Variants in RNF135 observed in about 807,000 individuals in gnomAD.
RNF135 encodes ring finger protein 135.
Under a neutral mutation model 41.9 loss-of-function variants are expected in RNF135, and 46 were observed. That is an observed-to-expected ratio of 1.10 (90% CI 0.87 to 1.40). The LOEUF is 1.40. RNF135 is among the 40% of genes most tolerant of loss of function. The pLI is 0.00. For missense variants in RNF135, 539 were observed against 549.8 expected (o/e 0.98, Z 0.20); for synonymous variants, 238 against 223.8 (o/e 1.06, Z -0.57).
At chr17:30,963,088 C>G in the RNF135 span, among the ~76,000 whole-genome samples, 1 of 145,974 alleles carries the variant, frequency 6.9e-6, no homozygotes, top group African/African-American at 2.7e-5. Context: ...CATTTGATTC[C>G]CTAGCTTTTT....
the RNF135 span, among the ~76,000 whole-genome samples, chr17:30,965,962 A>G: frequency 1.3e-5 from 2 of 152,244 alleles, no homozygotes; most frequent in East Asian, 3.8e-4. Context: ...TGTTATCTAT[A>G]GGAGCAATTG....
intron 3 of RNF135, among the ~76,000 whole-genome samples, chr17:30,995,304 CG>C (rs1908274051): frequency 6.6e-6 from 1 of 151,930 alleles, no homozygotes; most frequent in South Asian, 2.1e-4. Context: ...AGGAGAATGG[CG>C]TGAACCCGGG....
intron 3 of RNF135, chr17:30,993,900 C>T: frequency 1.6e-6 from 1 of 633,936 alleles, no homozygotes; most frequent in Non-Finnish European, 2.8e-6. Context: ...ATCTCTCAGG[C>T]TCAGGTGATC....
At chr17:30,990,068 A>G (rs2142721350) in intron 3 of RNF135, among the ~76,000 whole-genome samples, 1 of 152,230 alleles carries the variant, frequency 6.6e-6, no homozygotes, top group East Asian at 1.9e-4. Context: ...TAGGAAAACA[A>G]TTAGAGAGCA....
At chr17:30,986,477 G>A (rs949404529) in intron 2 of RNF135, among the ~76,000 whole-genome samples, 3 of 152,208 alleles carry the variant, frequency 2.0e-5, no homozygotes, top group African/African-American at 7.2e-5. Context: ...TTACAGGCGT[G>A]CGCCACATTG....
At chr17:30,987,581 A>T (rs1271378387) in intron 2 of RNF135, among the ~76,000 whole-genome samples, 2 of 152,198 alleles carry the variant, frequency 1.3e-5, no homozygotes, top group African/African-American at 4.8e-5. Context: ...TATCTGTAGT[A>T]TTTATTTTAT....
chr17:30,989,680 A>G (rs1907849015), intron 3 of RNF135, among the ~76,000 whole-genome samples: 1 of 152,090 alleles, frequency 6.6e-6, no homozygotes, highest in East Asian at 1.9e-4. Context: ...TTATATTTTC[A>G]TATTTAAACA....
At chr17:30,980,610 G>T (rs1598087182) in intron 1 of RNF135, among the ~76,000 whole-genome samples, 5 of 140,156 alleles carry the variant, frequency 3.6e-5, no homozygotes, top group South Asian at 2.4e-4. Context: ...CTCAGACGGG[G>T]CGGTTGCCAG....
intron 1 of RNF135, 59 bp downstream of exon 1, chr17:30,971,504 T>C (rs962509829): frequency 1.4e-6 from 2 of 1,425,512 alleles, no homozygotes; most frequent in Non-Finnish European, 1.8e-6. Context: ...CGCCTGACCC[T>C]TTCCCATGTG....
intron 1 of RNF135, chr17:30,972,564 G>C (rs559047107): frequency 2.0e-5 from 3 of 152,192 alleles, no homozygotes; most frequent in Admixed American, 2.0e-4. Flanking sequence ...CCTCCCTCTA[G>C]CCCCTGCTCA....
At chr17:30,979,347 G>A (rs1263258192) in intron 1 of RNF135, 14 of 131,688 alleles carry the variant, frequency 1.1e-4, no homozygotes, top group African/African-American at 2.7e-4. Flanking sequence ...TGGATAGGGC[G>A]GCTGGCCGGG....
In RNF135 at chr17:30,988,033, T is replaced by C; in HGVS notation, c.606T>C (p.His202=). ...TAAGKIRDIL[H]DLEEIQEKLQ... is the part of the protein sequence containing the mutation. ...CAGGGAAAATCAGAGATATTCTCCA[T>C]GACCTAGAAGAAATTCAGGAAAAAT... The change falls in exon 3 of 5, where the codon CAT becomes CAC. Residue 202 remains histidine, a synonymous_variant. Coordinates refer to ENST00000328381, the MANE Select transcript of RNF135 (RefSeq NM_032322.4). 12 of 1,614,140 alleles carry C rather than the reference T, an allele frequency of 7.4e-6. No individual in the cohort carries two copies. Among genetic ancestry groups the C allele is most frequent in the Non-Finnish European group, 1.0e-5 (12 of 1,179,998 alleles).
intron 1 of RNF135, among the ~76,000 whole-genome samples, chr17:30,982,229 G>A (rs1476687017): frequency 1.3e-5 from 2 of 152,182 alleles, no homozygotes; most frequent in Admixed American, 6.5e-5. Context: ...TGCCTTTCAA[G>A]TTTATTTAGA....
At chr17:30,984,233 A>G (rs983431470) in intron 1 of RNF135, among the ~76,000 whole-genome samples, 1 of 152,136 alleles carries the variant, frequency 6.6e-6, no homozygotes, top group African/African-American at 2.4e-5. Context: ...GCCAAATCCA[A>G]TGTCATAAAT....
chr17:30,994,797 C>A (rs1908228223), intron 3 of RNF135, among the ~76,000 whole-genome samples: 1 of 151,126 alleles, frequency 6.6e-6, no homozygotes, highest in Non-Finnish European at 1.5e-5. Flanking sequence ...CCACACCTGG[C>A]TAATTTTTTT....
chr17:30,984,846 C>T (rs1907473726), intron 2 of RNF135, 86 bp downstream of exon 2: 1 of 1,366,772 alleles, frequency 7.3e-7, no homozygotes, highest in Non-Finnish European at 1.0e-6. Context: ...CATATTTGAA[C>T]CTGAAGGATA....
intron 1 of RNF135, among the ~76,000 whole-genome samples, chr17:30,979,981 G>A (rs1598085890): frequency 8.8e-6 from 1 of 113,448 alleles, no homozygotes; most frequent in Admixed American, 7.8e-5. Context: ...TGGCCAGGCG[G>A]GGGGCTGATC....
In RNF135 at chr17:30,998,929, CTTG is replaced by C. The variant is rs767474026; in HGVS notation, c.1042_1044del (p.Cys348del). ...CAGGTCCTGGGAAGGACTATGGACT[CTTG>C]TTGTGTGGAATGGAAGGGGACTAGC... On this transcript the variant is annotated inframe_deletion, in exon 5 of 5. Transcript: ENST00000328381. 2.5e-6 allele frequency: 4 copies of C among 1,613,826 alleles called. No homozygotes were observed. Among genetic ancestry groups the C allele is most frequent in the Admixed American group, 3.3e-5 (2 of 59,996 alleles).
At chr17:30,964,604 A>AAAAC in the RNF135 span, among the ~76,000 whole-genome samples, 1 of 151,950 alleles carries the variant, frequency 6.6e-6, no homozygotes, top group African/African-American at 2.4e-5. Flanking sequence ...ACTCTGTCTC[A>AAAAC]AAACAAACAA....
Sources: allele counts gnomAD v4.1 joint callset (sites outside exome capture counted in the v4.1 genomes callset), GRCh38; gene constraint gnomAD v4.1.1; transcripts MANE v1.5; gene names NCBI Gene and HGNC (gene_info 2026-07-23, HGNC 2026-07-21).